EBF1: variants seen among roughly 807,000 people sequenced by gnomAD.
EBF1 encodes transcription factor COE1.
EBF1 carries 10 observed loss-of-function variants against 68.4 expected under a neutral mutation model. That is an observed-to-expected ratio of 0.15 (90% CI 0.09 to 0.25). The LOEUF (loss-of-function observed/expected upper bound fraction) is 0.25, where lower values mean the gene tolerates loss of function less well. Ranked by LOEUF, EBF1 falls within the 10% of genes least tolerant of loss-of-function variation. EBF1 has a pLI of 1.00. For missense variants in EBF1, 509 were observed against 794.4 expected (o/e 0.64, Z 4.32); for synonymous variants, 298 against 299.8 (o/e 0.99, Z 0.06).
chr5:159,002,673 A>G (rs1762774142), intron 6 of EBF1, among the ~76,000 whole-genome samples: 2 of 152,256 alleles, frequency 1.3e-5, no homozygotes, highest in Admixed American at 1.3e-4. Context: ...TTATATATAT[A>G]GAAAAGGAGG....
intron 11 of EBF1, among the ~76,000 whole-genome samples, chr5:158,720,337 T>C (rs1761668335): frequency 6.6e-6 from 1 of 152,170 alleles, no homozygotes; most frequent in Non-Finnish European, 1.5e-5. Context: ...TTGCAGCCCA[T>C]TTCCTGCAGA....
chr5:159,070,589 T>C (rs762795003), intron 6 of EBF1, among the ~76,000 whole-genome samples: 11 of 152,026 alleles, frequency 7.2e-5, no homozygotes, highest in Non-Finnish European at 1.0e-4. Context: ...ATAGTTTTCC[T>C]GAATAAACCA....
chr5:159,098,766 GGAA>G (rs1783102884), intron 1 of EBF1, among the ~76,000 whole-genome samples: 1 of 138,342 alleles, frequency 7.2e-6, no homozygotes, highest in Non-Finnish European at 1.5e-5. Flanking sequence ...GGGGAAGAAA[GGAA>G]GAGGAAGGAG....
intron 15 of EBF1, among the ~76,000 whole-genome samples, chr5:158,705,608 G>A (rs994276539): frequency 6.6e-6 from 1 of 152,200 alleles, no homozygotes; most frequent in African/African-American, 2.4e-5. Flanking sequence ...ATATATCCCT[G>A]TCCTGAAGCC....
intron 10 of EBF1, among the ~76,000 whole-genome samples, chr5:158,732,482 A>G (rs866823081): frequency 1.8e-4 from 27 of 152,162 alleles, no homozygotes; most frequent in Non-Finnish European, 1.0e-4. Context: ...AATTATACCA[A>G]TAGAACTCTT....
chr5:159,004,472 C>T (rs752954724), intron 6 of EBF1, among the ~76,000 whole-genome samples: 3 of 151,996 alleles, frequency 2.0e-5, no homozygotes, highest in Admixed American at 6.6e-5. Flanking sequence ...GACCAGAATT[C>T]GGGTCTTTCC....
At position 158,870,788 on chromosome 5, in the gene EBF1, C is replaced by T. The variant is rs904483309; in HGVS notation, c.555-30678G>A. On this transcript the variant is annotated intron_variant, in intron 6 of 15. Coordinates refer to ENST00000313708, the MANE Select transcript of EBF1 (RefSeq NM_024007.5). ...ACATCTGGTTCACCTAATGCCCTGG[C>T]TCTTTGTACTTGTTTATATTTAACA... is the stretch of plus-strand genomic sequence containing the variant. Among the ~76,000 whole-genome samples the T allele has an allele frequency of 2.0e-5, 3 of 152,260 alleles. No individual in the cohort carries two copies. In the East Asian group the frequency reaches 5.8e-4, roughly 29 times the overall value.
chr5:158,869,389 C>A (rs1796469365), intron 6 of EBF1, among the ~76,000 whole-genome samples: 1 of 152,108 alleles, frequency 6.6e-6, no homozygotes, highest in South Asian at 2.1e-4. Context: ...TTCAGTCCAG[C>A]CCACTAGAGA....
At chr5:159,069,876 G>T (rs902385404) in intron 6 of EBF1, among the ~76,000 whole-genome samples, 5 of 152,036 alleles carry the variant, frequency 3.3e-5, no homozygotes, top group African/African-American at 2.4e-5. Flanking sequence ...CAAGGAAAAA[G>T]GTTAGGACAC....
At position 159,035,388 on chromosome 5, in the gene EBF1, G is replaced by C. The variant is rs1769828064; in HGVS notation, c.554+38008C>G. On this transcript the variant is annotated intron_variant, in intron 6 of 15. Coordinates refer to ENST00000313708, the MANE Select transcript of EBF1 (RefSeq NM_024007.5). ...CCAGGAAGAAACCAAGAGTTTTAAAGTCAGAAAATCTATTTGGCAGCTCTA... is the reference window on the plus strand; with the variant it reads ...CCAGGAAGAAACCAAGAGTTTTAAACTCAGAAAATCTATTTGGCAGCTCTA... 1.3e-5 allele frequency among the ~76,000 whole-genome samples: 2 copies of C among 152,146 alleles called. 1 individual carries two copies. The highest frequency in any genetic ancestry group is 2.9e-5 in the Non-Finnish European group (2 of 68,014).
In EBF1 at chr5:158,886,378, C is replaced by T. The variant is rs544400825; in HGVS notation, c.555-46268G>A. Among the ~76,000 whole-genome samples the T allele has an allele frequency of 6.2e-4, 95 of 152,348 alleles. 1 individual carries two copies. The highest frequency in any genetic ancestry group is 2.2e-3 in the African/African-American group (90 of 41,588). ...ATTCCATGCTATTTCTGAAGTATAA[C>T]ATTCCAAGTTAGATAGATAGGCATT... is the stretch of plus-strand genomic sequence containing the variant. On this transcript the variant is annotated intron_variant, in intron 6 of 15. Coordinates refer to ENST00000313708, the MANE Select transcript of EBF1 (RefSeq NM_024007.5).
chr5:158,843,888 C>T (rs1357508155), intron 6 of EBF1, among the ~76,000 whole-genome samples: 5 of 152,038 alleles, frequency 3.3e-5, no homozygotes, highest in South Asian at 2.1e-4. Flanking sequence ...CTTTGTAAAC[C>T]GGGGGACATG....
At chr5:159,005,055 T>A (rs1763286490) in intron 6 of EBF1, among the ~76,000 whole-genome samples, 1 of 152,146 alleles carries the variant, frequency 6.6e-6, no homozygotes, top group Non-Finnish European at 1.5e-5. Context: ...ATAGAAAAGT[T>A]CCCATGGCTT....
At chr5:158,730,915 G>A in intron 11 of EBF1, 154 bp downstream of exon 11, 1 of 631,478 alleles carries the variant, frequency 1.6e-6, no homozygotes, top group South Asian at 2.1e-5. Context: ...ATAAGTGCTT[G>A]CTACTTTTAT....
intron 6 of EBF1, among the ~76,000 whole-genome samples, chr5:158,921,434 T>C (rs756006577): frequency 5.9e-5 from 9 of 152,226 alleles, no homozygotes; most frequent in Non-Finnish European, 1.0e-4. Flanking sequence ...TCTGCTCCTA[T>C]GGTTCCAAGT....
intron 10 of EBF1, among the ~76,000 whole-genome samples, chr5:158,732,886 C>T (rs1764408440): frequency 6.6e-6 from 1 of 152,050 alleles, no homozygotes; most frequent in African/African-American, 2.4e-5. Flanking sequence ...CCCCCATTTC[C>T]AAACAGTAAA....
chr5:158,934,820 A>C (rs1464503746), intron 6 of EBF1, among the ~76,000 whole-genome samples: 1 of 152,216 alleles, frequency 6.6e-6, no homozygotes, highest in Non-Finnish European at 1.5e-5. Flanking sequence ...TTCCCAGAAG[A>C]AGCAGTAAGT....
intron 8 of EBF1, among the ~76,000 whole-genome samples, chr5:158,802,238 A>G (rs1317832251): frequency 6.6e-6 from 1 of 152,106 alleles, no homozygotes; most frequent in Non-Finnish European, 1.5e-5. Flanking sequence ...ATCATATCTT[A>G]TCCCCAAAAT....
chr5:158,842,732 T>C (rs1277022246), intron 6 of EBF1, among the ~76,000 whole-genome samples: 1 of 152,228 alleles, frequency 6.6e-6, no homozygotes, highest in Non-Finnish European at 1.5e-5. Flanking sequence ...TATTGGGTGC[T>C]TACCTTGTGC....
Sources: allele counts gnomAD v4.1 joint callset (sites outside exome capture counted in the v4.1 genomes callset), GRCh38; gene constraint gnomAD v4.1.1; transcripts MANE v1.5; gene names NCBI Gene and HGNC (gene_info 2026-07-23, HGNC 2026-07-21).